CABP7: variants seen among roughly 807,000 people sequenced by gnomAD.
The protein encoded by CABP7 is calcium binding protein 7.
Under a neutral mutation model 23.1 loss-of-function variants are expected in CABP7, and 13 were observed. The observed-to-expected ratio is 0.56, with a 90% CI of 0.37 to 0.90. The LOEUF is 0.90. Ranked by LOEUF, CABP7 falls within the 40% of genes least tolerant of loss-of-function variation. The probability of loss-of-function intolerance (pLI) is 0.01; values close to 1 mark genes in which losing one functional copy is unlikely to be tolerated. For synonymous variants in CABP7, 123 were observed against 115.3 expected, an observed-to-expected ratio of 1.07 and a Z score of -0.43; for missense variants, 248 against 295.6, an observed-to-expected ratio of 0.84 and a Z score of 1.18.
chr22:29,724,185 C>T (rs546351618), intron 1 of CABP7, among the ~76,000 whole-genome samples: 5 of 152,356 alleles, frequency 3.3e-5, no homozygotes, highest in South Asian at 4.1e-4. Context: ...CGGCAGAGGC[C>T]GGGCTTCAGT....
rs1569331996 is a variant in CABP7 at position 29,729,819 on chromosome 22, G to C, written c.*250G>C. 1 of 545,856 alleles carries C rather than the reference G, an allele frequency of 1.8e-6. No individual in the cohort carries two copies. Among genetic ancestry groups the C allele is most frequent in the Non-Finnish European group, 3.3e-6 (1 of 306,794 alleles). The allele number at this position is 545,856 out of a possible 1,614,324, so 33.8% of individuals were successfully genotyped here. A position where few individuals can be genotyped will look rare whatever the true frequency, so the allele number is the denominator to read the frequency against. ...ACCCTGTCCCCACCCTGGCCTGTAA[G>C]GAGCACTCACTCTTCCTACCATCCA... On this transcript the variant is annotated 3_prime_UTR_variant, in exon 5 of 5. Coordinates refer to ENST00000216144, the MANE Select transcript of CABP7 (RefSeq NM_182527.3).
rs8138522 is a variant in CABP7, at chr22:29,721,812, G to A, written c.109+1279G>A. Among the ~76,000 whole-genome samples, 1,075 of 152,270 alleles carry A rather than the reference G, an allele frequency of 7.1e-3. 12 individuals are homozygous for A. Among genetic ancestry groups the A allele is most frequent in the African/African-American group, 0.025 (1,021 of 41,534 alleles). On this transcript the variant is annotated intron_variant, in intron 1 of 4. Coordinates refer to ENST00000216144, the MANE Select transcript of CABP7 (RefSeq NM_182527.3). ...ACTGCCCCTGCAAACCCTCAGAAGC[G>A]GGGAGAGCTGTGGAGACAGGGTCTG...
Position 29,720,536 on chromosome 22 carries a change from G to A in CABP7, c.109+3G>A, listed in dbSNP as rs753576755. 1 of 1,527,492 alleles carries A rather than the reference G, an allele frequency of 6.5e-7. No individual in the cohort carries two copies. The highest frequency in any genetic ancestry group is 8.8e-7 in the Non-Finnish European group (1 of 1,136,996). 94.6% of individuals were successfully genotyped at this position (1,527,492 alleles called of 1,614,324 possible). The stretch of plus-strand genomic sequence containing the variant: ...CATCCCGGAGGACGAGCTGGAGGGT[G>A]AGTGTCCGCCGGGATCCCCGCCCCG... On this transcript the variant is annotated splice_donor_region_variant and intron_variant, in intron 1 of 4. Coordinates refer to ENST00000216144, the MANE Select transcript of CABP7 (RefSeq NM_182527.3). This position sits in a 1 kb window ranked among gnomAD's most constrained non-coding sequence, Gnocchi z 5.2.
chr22:29,731,627 C>G lies in CABP7; in HGVS notation c.*2058C>G. ...CGTGTCCACCTGTGGGGGACTGATT[C>G]AATACATATGCACGTCCACAGCAGA... On this transcript the variant is annotated 3_prime_UTR_variant, in exon 5 of 5. Transcript: ENST00000216144. 2.4e-6 allele frequency: 1 copy of G among 423,324 alleles called. No individual in the cohort carries two copies. The highest frequency in any genetic ancestry group is 3.0e-5 in the South Asian group (1 of 33,628). The allele number at this position is 423,324 out of a possible 1,614,324, so 26.2% of individuals were successfully genotyped here.
In CABP7 at chr22:29,720,156, G is replaced by T. The variant is rs1202189556; in HGVS notation, c.-269G>T. 1 of 146,920 alleles carries T rather than the reference G, an allele frequency of 6.8e-6. No individual in the cohort carries two copies. The highest frequency in any genetic ancestry group is 6.8e-5 in the Admixed American group (1 of 14,810). 9.1% of individuals were successfully genotyped at this position (146,920 alleles called of 1,614,324 possible). On this transcript the variant is annotated 5_prime_UTR_variant, in exon 1 of 5. Transcript: ENST00000216144. The surrounding 1 kb of genome is among the most constrained non-coding windows in gnomAD (Gnocchi z 5.2). ...GCGGCGGGCACCGCGCGAGGCAGCC[G>T]GAGCTCTCGGAAAGGCCAGAGCGGC...
At position 29,727,689 on chromosome 22, in the gene CABP7, A is replaced by G; in HGVS notation, c.137A>G (p.Asp46Gly). 1.9e-6 allele frequency: 3 copies of G among 1,613,680 alleles called. No homozygotes were observed. Among genetic ancestry groups the G allele is most frequent in the Non-Finnish European group, 2.5e-6 (3 of 1,179,940 alleles). The stretch of plus-strand genomic sequence containing the variant: ...ATCCGAGAGGCCTTCAAGGTGTTTG[A>G]CCGTGACGGCAATGGCTTCATCTCC... The part of the protein sequence containing the change: ...EEIREAFKVF[D>G]RDGNGFISKQ... The change falls in exon 2 of 5, where the codon GAC (aspartate) becomes GGC (glycine). Residue 46 changes from aspartate (D) to glycine (G), a missense_variant. By Grantham distance (94) the Asp-to-Gly change is moderately conservative (BLOSUM62 -1). Coordinates refer to ENST00000216144, the MANE Select transcript of CABP7 (RefSeq NM_182527.3). The surrounding 1 kb of genome is among the most constrained non-coding windows in gnomAD (Gnocchi z 4.2).
Position 29,729,646 on chromosome 22 carries a change from C to A in CABP7, c.*77C>A. 6.4e-7 allele frequency: 1 copy of A among 1,561,062 alleles called. No homozygotes were observed. On this transcript the variant is annotated 3_prime_UTR_variant, in exon 5 of 5. Coordinates refer to ENST00000216144, the MANE Select transcript of CABP7 (RefSeq NM_182527.3). ...CACCACCGCCGCCTGCAGACCTCTC[C>A]CTTGGCCGGCTCCCTGGGCCGCCAT...
chr22:29,722,345 C>T (rs531884479), intron 1 of CABP7, among the ~76,000 whole-genome samples: 2 of 152,236 alleles, frequency 1.3e-5, no homozygotes, highest in African/African-American at 2.4e-5. Flanking sequence ...AACGACATGG[C>T]GTGCTGGCAG....
rs371225696 is a variant in CABP7 at position 29,731,374 on chromosome 22, C to T, written c.*1805C>T. On this transcript the variant is annotated 3_prime_UTR_variant, in exon 5 of 5. Transcript: ENST00000216144. ...TCAGCCCTAGAGAGAGAGAGAGAAG[C>T]GGGGAGAATAAGAGTGCACTACAGC... 2.9e-5 allele frequency: 44 copies of T among 1,541,818 alleles called. No homozygotes were observed. The highest frequency in any genetic ancestry group is 4.3e-5 in the African/African-American group (3 of 69,932).
rs1784666199 is a variant in CABP7 at position 29,728,877 on chromosome 22, CAGAG to C, written c.366+136_366+139del. On this transcript the variant is annotated intron_variant, in intron 3 of 4. Transcript: ENST00000216144. Reference sequence around the variant, plus strand: ...TGTGTCCACTGGACATTTCACCTCTCAGAGGGCCATGGGCTCCCTGGGGAGGCCG... The same window carrying C: ...TGTGTCCACTGGACATTTCACCTCTCGGCCATGGGCTCCCTGGGGAGGCCG... 4.9e-6 allele frequency: 5 copies of C among 1,028,936 alleles called. No homozygotes were observed. The Admixed American group carries it at 1.1e-4, about 22-fold the overall frequency. 63.7% of individuals were successfully genotyped at this position (1,028,936 alleles called of 1,614,324 possible).
chr22:29,728,528 G>A (rs531799953), intron 2 of CABP7, 102 bp from the exon 3 acceptor site: 32 of 709,478 alleles, frequency 4.5e-5, no homozygotes, highest in African/African-American at 3.4e-4. Context: ...AAGGCCACCC[G>A]GTAGGCCCAA....
rs549171128 is a variant in CABP7, at chr22:29,727,092, G to C, written c.110-570G>C. On this transcript the variant is annotated intron_variant, in intron 1 of 4. Coordinates refer to ENST00000216144, the MANE Select transcript of CABP7 (RefSeq NM_182527.3). The surrounding 1 kb of genome is among the most constrained non-coding windows in gnomAD (Gnocchi z 4.2). ...CAGTCTGGTCTGGCCTGGACCTGGA[G>C]GGGGGCTCCTTCCCCCTCTGTCTTC... Among the ~76,000 whole-genome samples, 3 of 152,302 alleles carry C rather than the reference G, an allele frequency of 2.0e-5. No homozygotes were observed. The South Asian group carries it at 6.2e-4, about 32-fold the overall frequency.
rs1436155731 is a variant in CABP7, at chr22:29,720,819, G to T, written c.109+286G>T. Among the ~76,000 whole-genome samples, 1 of 151,378 alleles carries T rather than the reference G, an allele frequency of 6.6e-6. No individual in the cohort carries two copies. Among genetic ancestry groups the T allele is most frequent in the African/African-American group, 2.4e-5 (1 of 41,318 alleles). Reference sequence around the variant, plus strand: ...AGCGGGGTCACGGGGCCGCGCAGTCGGCGGTGACGGTGCGGCAACGCGGCG... The same window carrying T: ...AGCGGGGTCACGGGGCCGCGCAGTCTGCGGTGACGGTGCGGCAACGCGGCG... On this transcript the variant is annotated intron_variant, in intron 1 of 4. Coordinates refer to ENST00000216144, the MANE Select transcript of CABP7 (RefSeq NM_182527.3). The surrounding 1 kb of genome is among the most constrained non-coding windows in gnomAD (Gnocchi z 5.2).
chr22:29,729,691 TG>T lies in CABP7; in HGVS notation c.*125del. On this transcript the variant is annotated 3_prime_UTR_variant, in exon 5 of 5. Transcript: ENST00000216144. ...CGCCATCTGCGTGTACTTCAGGGCCTGGGTATCCAGCGAGCCCTCCCCACCC... is the reference window on the plus strand; with the variant it reads ...CGCCATCTGCGTGTACTTCAGGGCCTGGTATCCAGCGAGCCCTCCCCACCC... 7.6e-7 allele frequency: 1 copy of T among 1,321,414 alleles called. No homozygotes were observed. Among genetic ancestry groups the T allele is most frequent in the Non-Finnish European group, 1.0e-6 (1 of 969,802 alleles). The allele number at this position is 1,321,414 out of a possible 1,614,324, so 81.9% of individuals were successfully genotyped here.
chr22:29,729,070 C>T lies in CABP7; in HGVS notation c.382C>T (p.Leu128=). The change falls in exon 4 of 5, where the codon CTG becomes TTG. Residue 128 remains leucine (L), a synonymous_variant. Coordinates refer to ENST00000216144, the MANE Select transcript of CABP7 (RefSeq NM_182527.3). ...CCTCCGCAAGTGCGACATGCAGAAG[C>T]TGACGGTGGATGAGCTGAAGCGGCT... ...TVFWKCDMQK[L]TVDELKRLLY... is the part of the protein sequence containing the mutation. 1 of 1,611,274 alleles carries T rather than the reference C, an allele frequency of 6.2e-7. No individual in the cohort carries two copies. The highest frequency in any genetic ancestry group is 2.2e-4 in the Middle Eastern group (1 of 4,458).
In CABP7 at chr22:29,727,816, C is replaced by T; in HGVS notation, c.253+11C>T. 6.2e-7 allele frequency: 1 copy of T among 1,601,412 alleles called. No individual in the cohort carries two copies. Among genetic ancestry groups the T allele is most frequent in the Non-Finnish European group, 8.5e-7 (1 of 1,172,818 alleles). ...GGCTGGACATGGATGGTGAGCACCC[C>T]CCCGCCTCGGTTTCCCCACCTGGCA... On this transcript the variant is annotated intron_variant, in intron 2 of 4. Transcript: ENST00000216144. This position sits in a 1 kb window ranked among gnomAD's most constrained non-coding sequence, Gnocchi z 4.2.
Position 29,731,158 on chromosome 22 carries a change from G to C in CABP7, c.*1589G>C, listed in dbSNP as rs746709714. 3.5e-6 allele frequency: 5 copies of C among 1,425,804 alleles called. No homozygotes were observed. Among genetic ancestry groups the C allele is most frequent in the Non-Finnish European group, 4.6e-6 (5 of 1,090,346 alleles). 88.3% of individuals were successfully genotyped at this position (1,425,804 alleles called of 1,614,324 possible). A position where few individuals can be genotyped will look rare whatever the true frequency, so the allele number is the denominator to read the frequency against. ...GCCTCCATGGGGCGTAGCAGGAACC[G>C]GGCTTGGCTTCCTATTGTGACTGAT... On this transcript the variant is annotated 3_prime_UTR_variant, in exon 5 of 5. Coordinates refer to ENST00000216144, the MANE Select transcript of CABP7 (RefSeq NM_182527.3).
chr22:29,725,918 T>C (rs982104988), intron 1 of CABP7, among the ~76,000 whole-genome samples: 9 of 152,124 alleles, frequency 5.9e-5, no homozygotes, highest in Non-Finnish European at 1.0e-4. Context: ...CTAGAGGCTC[T>C]AGGGACCGGA....
intron 1 of CABP7, among the ~76,000 whole-genome samples, chr22:29,726,742 G>A (rs145503322): frequency 7.9e-5 from 12 of 152,244 alleles, no homozygotes; most frequent in African/African-American, 2.4e-4. Context: ...ATCGAGCCCC[G>A]CCCCCCACTC....
Sources: allele counts gnomAD v4.1 joint callset (sites outside exome capture counted in the v4.1 genomes callset), GRCh38; gene constraint gnomAD v4.1.1; non-coding constraint Gnocchi (gnomAD v3.1); transcripts MANE v1.5; gene names NCBI Gene and HGNC (gene_info 2026-07-23, HGNC 2026-07-21).